The following PIK3C3 variants were observed in gnomAD, a reference collection of about 807,000 sequenced individuals.
PIK3C3 encodes PI3-kinase type 3.
Under a neutral mutation model 126.1 loss-of-function variants are expected in PIK3C3, and 95 were observed. The observed-to-expected ratio is 0.75, with a 90% confidence interval of 0.64 to 0.89. The LOEUF is 0.89. PIK3C3 is among the 40% of genes least tolerant of loss of function. The pLI is 0.00. For missense variants in PIK3C3, 829 were observed against 1,063.2 expected (o/e 0.78, Z 3.06); for synonymous variants, 374 against 360.0 (o/e 1.04, Z -0.44).
At chr18:41,955,825 G>C (rs920688616) in intron 1 of PIK3C3, among the ~76,000 whole-genome samples, 1 of 151,674 alleles carries the variant, frequency 6.6e-6, no homozygotes, top group African/African-American at 2.4e-5. Context: ...ATTAGCACGG[G>C]AGGTGATAGA....
Position 42,086,970 on chromosome 18 carries a change from T to G in PIK3C3, c.*5833T>G, listed in dbSNP as rs971297828. The stretch of plus-strand genomic sequence containing the variant: ...TAACCAGGATCCCTTTCCAGTAACT[T>G]CAGCAGGATCTGTGAGTGCCAGTTT... On this transcript the variant is annotated 3_prime_UTR_variant, in exon 25 of 25. Coordinates refer to ENST00000262039, the MANE Select transcript of PIK3C3 (RefSeq NM_002647.4). The G allele has an allele frequency of 6.6e-6, 1 of 152,162 alleles. No individual in the cohort carries two copies. Among genetic ancestry groups the G allele is most frequent in the Non-Finnish European group, 1.5e-5 (1 of 68,036 alleles). The allele number at this position is 152,162 out of a possible 1,614,324, so 9.4% of individuals were successfully genotyped here.
intron 16 of PIK3C3, among the ~76,000 whole-genome samples, chr18:42,034,342 C>T (rs1983955239): frequency 6.6e-6 from 1 of 152,186 alleles, no homozygotes; most frequent in Non-Finnish European, 1.5e-5. Flanking sequence ...GCATGCGCCA[C>T]CATACCCAAC....
intron 10 of PIK3C3, among the ~76,000 whole-genome samples, chr18:42,009,988 C>T (rs779199020): frequency 1.3e-5 from 2 of 152,134 alleles, no homozygotes; most frequent in Non-Finnish European, 2.9e-5. Flanking sequence ...GTAAACTTTG[C>T]CACACCCATT....
intron 17 of PIK3C3, among the ~76,000 whole-genome samples, chr18:42,038,175 C>T (rs949619336): frequency 6.6e-6 from 1 of 151,978 alleles, no homozygotes; most frequent in Non-Finnish European, 1.5e-5. Context: ...CCCTAGTTCC[C>T]TTTTTCTGAG....
chr18:42,072,943 C>T (rs1985837549), intron 24 of PIK3C3, among the ~76,000 whole-genome samples: 1 of 152,130 alleles, frequency 6.6e-6, no homozygotes, highest in African/African-American at 2.4e-5. Flanking sequence ...CTGGTGATCT[C>T]TTACACTGCA....
At position 42,038,830 on chromosome 18, in the gene PIK3C3, TAG is replaced by T; in HGVS notation, c.2019_2020del (p.Leu673PhefsTer19). The stretch of plus-strand genomic sequence containing the variant: ...TTGAAATTGACACCTTATAAGGTGT[TAG>T]CCACCAGTACAAAACATGGTAAGTG... On this transcript the variant is annotated frameshift_variant, in exon 18 of 25. Transcript: ENST00000262039. LOFTEE classifies it high-confidence loss of function. The T allele has an allele frequency of 6.3e-7, 1 of 1,597,116 alleles. No homozygotes were observed. The highest frequency in any genetic ancestry group is 8.6e-7 in the Non-Finnish European group (1 of 1,165,468).
In PIK3C3 at chr18:42,013,593, A is replaced by T. The variant is rs755678711; in HGVS notation, c.1322A>T (p.Asp441Val). The T allele has an allele frequency of 9.5e-6, 15 of 1,580,546 alleles. No individual in the cohort carries two copies. The Admixed American group carries it at 2.8e-4, about 29-fold the overall frequency. Residue 441 changes from aspartate (D) to valine (V), a missense_variant, in exon 11 of 25, where the codon GAT becomes GTT. This residue lies in a region of PIK3C3 where 256 missense variants were observed against 291.0 expected (regional missense o/e 0.88). Coordinates refer to ENST00000262039, the MANE Select transcript of PIK3C3 (RefSeq NM_002647.4). ...SNSGINSAEI[D>V]SSQIITSPLP... Reference sequence around the variant, plus strand: ...TCTGGAATAAATTCTGCAGAAATAGATAGGTATGGATATCCAGGGAGGACA... The same window carrying T: ...TCTGGAATAAATTCTGCAGAAATAGTTAGGTATGGATATCCAGGGAGGACA...
chr18:42,071,816 C>T (rs895023416), intron 24 of PIK3C3, among the ~76,000 whole-genome samples: 132 of 151,638 alleles, frequency 8.7e-4, no homozygotes, highest in African/African-American at 3.1e-3. Flanking sequence ...ATTTCATACT[C>T]TTTATCCTAA....
At chr18:41,989,594 A>C (rs1981673182) in intron 5 of PIK3C3, among the ~76,000 whole-genome samples, 3 of 152,146 alleles carry the variant, frequency 2.0e-5, no homozygotes, top group African/African-American at 7.2e-5. Flanking sequence ...ATACACAGAT[A>C]CCTAACTATT....
intron 10 of PIK3C3, among the ~76,000 whole-genome samples, chr18:42,012,586 A>G (rs1982879219): frequency 6.6e-6 from 1 of 152,220 alleles, no homozygotes; most frequent in Non-Finnish European, 1.5e-5. Flanking sequence ...AAAATTTTAA[A>G]AAGTACATAC....
intron 24 of PIK3C3, among the ~76,000 whole-genome samples, chr18:42,076,140 A>ATATGCACATATATATATGCACATATATC (rs1985999004): frequency 1.3e-5 from 1 of 78,754 alleles, no homozygotes; most frequent in African/African-American, 7.8e-5. Flanking sequence ...ATATATATAT[A>ATATGCACATATATATATGCACATATATC]TATGCGCATA....
In PIK3C3 at chr18:42,004,535, T is replaced by G. The variant is rs758711608; in HGVS notation, c.1164T>G (p.Asp388Glu). 1.0e-5 allele frequency: 16 copies of G among 1,586,978 alleles called. No homozygotes were observed. The highest frequency in any genetic ancestry group is 5.5e-5 in the African/African-American group (4 of 72,976). ...CTGTTGCCCGGTTGCGACAGGCCGA[T>G]GATGAGGTGCATTATTATTTATTAT... ...RYAVARLRQA[D>E]DEDLLMYLLQ... The change falls in exon 10 of 25, where the codon GAT becomes GAG. Residue 388 changes from aspartate (D) to glutamate (E), a missense_variant. Asp to Glu is a conservative substitution (Grantham distance 45). Coordinates refer to ENST00000262039, the MANE Select transcript of PIK3C3 (RefSeq NM_002647.4).
At chr18:41,963,133 C>T (rs145519894) in intron 3 of PIK3C3, among the ~76,000 whole-genome samples, 20 of 151,864 alleles carry the variant, frequency 1.3e-4, no homozygotes, top group African/African-American at 3.9e-4. Flanking sequence ...TTCTCTATAT[C>T]GTTTTTCTCC....
intron 4 of PIK3C3, among the ~76,000 whole-genome samples, chr18:41,987,582 T>A (rs562382603): frequency 1.3e-5 from 2 of 152,200 alleles, no homozygotes; most frequent in East Asian, 1.9e-4. Context: ...TTATTCTTTA[T>A]CATGTCAAAA....
intron 22 of PIK3C3, among the ~76,000 whole-genome samples, chr18:42,060,160 G>A (rs1454724140): frequency 1.3e-5 from 2 of 152,148 alleles, no homozygotes; most frequent in Non-Finnish European, 2.9e-5. Flanking sequence ...TAACCTGATA[G>A]TTGTTTGGAG....
At position 42,085,789 on chromosome 18, in the gene PIK3C3, A is replaced by G. The variant is rs1209003473; in HGVS notation, c.*4652A>G. The G allele has an allele frequency of 6.6e-6, 1 of 152,208 alleles. No individual in the cohort carries two copies. Among genetic ancestry groups the G allele is most frequent in the Non-Finnish European group, 1.5e-5 (1 of 68,050 alleles). The allele number at this position is 152,208 out of a possible 1,614,324, so 9.4% of individuals were successfully genotyped here. On this transcript the variant is annotated 3_prime_UTR_variant, in exon 25 of 25. Transcript: ENST00000262039. Reference sequence around the variant, plus strand: ...GGGTAGAGTAACCCATTTCTGCATGAACCATAGAATTTAACTAGAATTTGG... The same window carrying G: ...GGGTAGAGTAACCCATTTCTGCATGGACCATAGAATTTAACTAGAATTTGG...
chr18:42,077,742 A>G (rs1261550639), intron 24 of PIK3C3, among the ~76,000 whole-genome samples: 1 of 152,160 alleles, frequency 6.6e-6, no homozygotes, highest in Non-Finnish European at 1.5e-5. Flanking sequence ...TAATGTTGAT[A>G]TTTTCACCTC....
chr18:42,035,896 A>G (rs1984028923), intron 16 of PIK3C3, among the ~76,000 whole-genome samples: 1 of 152,164 alleles, frequency 6.6e-6, no homozygotes, highest in African/African-American at 2.4e-5. Context: ...CCAAAGCTGG[A>G]TATTCATGAA....
chr18:42,014,146 T>C (rs1408830458), intron 11 of PIK3C3, among the ~76,000 whole-genome samples: 1 of 135,646 alleles, frequency 7.4e-6, no homozygotes, highest in African/African-American at 2.9e-5. Context: ...AGGTAGAGGG[T>C]GTAGCAAGCT....
Sources: allele counts gnomAD v4.1 joint callset (sites outside exome capture counted in the v4.1 genomes callset), GRCh38; gene constraint gnomAD v4.1.1; regional missense constraint gnomAD v4.1.1; transcripts MANE v1.5; gene names NCBI Gene and HGNC (gene_info 2026-07-23, HGNC 2026-07-21).